The following NSUN2 variants were observed in gnomAD, a reference collection of about 807,000 sequenced individuals.
NSUN2 encodes the protein RNA cytosine C(5)-methyltransferase NSUN2.
In NSUN2, 63 loss-of-function variants were observed where a neutral mutation model predicts 92.7. That is an observed-to-expected ratio of 0.68 (90% CI 0.56 to 0.84). The LOEUF (loss-of-function observed/expected upper bound fraction) is 0.84, where lower values mean the gene tolerates loss of function less well. NSUN2 is among the 40% of genes least tolerant of loss of function. The pLI is 0.00. For synonymous variants in NSUN2, 356 were observed against 348.3 expected, an observed-to-expected ratio of 1.02 and a Z score of -0.25; for missense variants, 989 against 964.9, an observed-to-expected ratio of 1.02 and a Z score of -0.33.
At chr5:6,611,614 C>A in intron 10 of NSUN2, 111 bp downstream of exon 10, 1 of 781,134 alleles carries the variant, frequency 1.3e-6, no homozygotes. Flanking sequence ...ATTGGCATAA[C>A]CAGATGTAGT....
chr5:6,615,385 A>C (rs1486678223), intron 9 of NSUN2, among the ~76,000 whole-genome samples: 1 of 152,226 alleles, frequency 6.6e-6, no homozygotes, highest in African/African-American at 2.4e-5. Context: ...AGGATTCAAC[A>C]GTCCTAACAA....
intron 3 of NSUN2, among the ~76,000 whole-genome samples, chr5:6,630,776 G>A (rs991425283): frequency 6.6e-6 from 1 of 152,152 alleles, no homozygotes; most frequent in African/African-American, 2.4e-5. Context: ...TACTGGAATA[G>A]TCAAAACCTC....
intron 3 of NSUN2, among the ~76,000 whole-genome samples, chr5:6,627,950 A>G (rs188038302): frequency 6.6e-6 from 1 of 152,362 alleles, no homozygotes; most frequent in African/African-American, 2.4e-5. Flanking sequence ...AGGATAAGTT[A>G]AAAGGACCAC....
chr5:6,610,065 ATT>A (rs59901468), intron 11 of NSUN2, 143 bp from the exon 12 acceptor site: 5,406 of 368,998 alleles, frequency 0.015, no homozygotes, highest in South Asian at 0.03. Flanking sequence ...GTAAACTTAA[ATT>A]TTTTTTTTTT....
rs1247408466 is a variant in NSUN2 at position 6,603,638 on chromosome 5, C to T, written c.1957+500G>A. Among the ~76,000 whole-genome samples, 5 of 152,212 alleles carry T rather than the reference C, an allele frequency of 3.3e-5. No homozygotes were observed. In the East Asian group the frequency reaches 7.7e-4, roughly 24 times the overall value. On this transcript the variant is annotated intron_variant, in intron 17 of 18. Coordinates refer to ENST00000264670, the MANE Select transcript of NSUN2 (RefSeq NM_017755.6). ...CTGGGAGGCGGAGCTTGCAGTGAGC[C>T]GAGATCGTGCCACTGTACTCCAGCC... is the stretch of plus-strand genomic sequence containing the variant.
At chr5:6,621,944 T>C (rs1737464603) in intron 6 of NSUN2, 72 bp downstream of exon 6, 5 of 1,305,004 alleles carry the variant, frequency 3.8e-6, no homozygotes, top group Non-Finnish European at 5.5e-6. Context: ...CAGGCAAAGT[T>C]AGAGTCTTTT....
intron 1 of NSUN2, 31 bp from the exon 2 acceptor site, chr5:6,632,787 G>A (rs1386010126): frequency 2.5e-6 from 4 of 1,603,422 alleles, no homozygotes; most frequent in Non-Finnish European, 3.4e-6. Context: ...CTACCCCGAG[G>A]CCCAAGGAGC....
intron 11 of NSUN2, among the ~76,000 whole-genome samples, chr5:6,610,385 T>C (rs1210622329): frequency 1.3e-5 from 2 of 152,076 alleles, no homozygotes; most frequent in Admixed American, 1.3e-4. Context: ...GCCCACTTTG[T>C]AATCTTTAAA....
At chr5:6,611,932 G>A (rs766570554) in intron 9 of NSUN2, 134 bp from the exon 10 acceptor site, 47 of 763,480 alleles carry the variant, frequency 6.2e-5, no homozygotes, top group African/African-American at 2.1e-4. Context: ...AGGCAAACCC[G>A]TCGACAGAAA....
chr5:6,619,587 T>C lies in NSUN2; in HGVS notation c.815+519A>G, dbSNP rs144114048. Among the ~76,000 whole-genome samples, 88 of 152,384 alleles carry C rather than the reference T, an allele frequency of 5.8e-4. 1 individual carries two copies. In the East Asian group the frequency reaches 0.016, roughly 28 times the overall value. ...AAACTCTAAATATCTAAAATGTTGA[T>C]GTATTATCTCAAGAAAGGTATAAAA... On this transcript the variant is annotated intron_variant, in intron 7 of 18. Transcript: ENST00000264670.
At chr5:6,609,011 C>T (rs1325039688) in intron 12 of NSUN2, among the ~76,000 whole-genome samples, 1 of 152,320 alleles carries the variant, frequency 6.6e-6, no homozygotes, top group East Asian at 1.9e-4. Flanking sequence ...CCCCTTTGCC[C>T]GTCTGAGGCT....
intron 3 of NSUN2, among the ~76,000 whole-genome samples, chr5:6,629,734 G>C (rs1737797032): frequency 6.6e-6 from 1 of 152,128 alleles, no homozygotes; most frequent in African/African-American, 2.4e-5. Flanking sequence ...TCAAGGGCAG[G>C]ACGAGGTGGA....
chr5:6,607,529 A>G (rs1156638799), intron 12 of NSUN2, 145 bp from the exon 13 acceptor site: 2 of 713,406 alleles, frequency 2.8e-6, no homozygotes, highest in Non-Finnish European at 4.5e-6. Context: ...GAATTTTTTT[A>G]AAGTGTCATT....
rs182101904 is a variant in NSUN2 at position 6,614,053 on chromosome 5, G to A, written c.1022-2255C>T. ...GGAGGTTGCAGTGAGCCGAGATGGC[G>A]CCACTGCACTCCAGCCTGGGCAACA... On this transcript the variant is annotated intron_variant, in intron 9 of 18. Transcript: ENST00000264670. Among the ~76,000 whole-genome samples the A allele has an allele frequency of 6.9e-3, 993 of 143,158 alleles. 12 individuals are homozygous for A. The highest frequency in any genetic ancestry group is 0.025 in the African/African-American group (946 of 38,308). The allele number at this position is 143,158 out of a possible 152,430, so 93.9% of individuals were successfully genotyped here.
rs773831747 is a variant in NSUN2, at chr5:6,625,565, G to C, written c.464C>G (p.Ser155Cys). Residue 155 changes from serine to cysteine, a missense_variant and splice_region_variant, in exon 4 of 19, where the codon TCT becomes TGT. Ser to Cys is a moderately radical substitution (Grantham distance 112, BLOSUM62 -1). Around this residue, in one of 3 missense-constraint regions of NSUN2, gnomAD observed 356 missense variants for 338.6 expected, o/e 1.05. Transcript: ENST00000264670. ...FHQFLVSETE[S>C]GNISRQEAVS... ...GCAAGTCTAAAGAAATCAACTTACA[G>C]ATTCTGTTTCACTAACTAGAAACTG... 18 of 1,606,872 alleles carry C rather than the reference G, an allele frequency of 1.1e-5. No homozygotes were observed. Among genetic ancestry groups the C allele is most frequent in the Non-Finnish European group, 1.4e-5 (17 of 1,173,572 alleles).
intron 12 of NSUN2, among the ~76,000 whole-genome samples, chr5:6,608,966 C>A (rs1287871022): frequency 6.6e-6 from 1 of 152,228 alleles, no homozygotes; most frequent in African/African-American, 2.4e-5. Flanking sequence ...TCTAACCTGA[C>A]AGAAAAACCC....
chr5:6,623,523 G>C (rs1737543648), intron 4 of NSUN2, among the ~76,000 whole-genome samples: 1 of 152,136 alleles, frequency 6.6e-6, no homozygotes, highest in African/African-American at 2.4e-5. Flanking sequence ...TTCCATGAAA[G>C]AAAAGGGACT....
chr5:6,604,561 A>T (rs766177903), intron 16 of NSUN2, 44 bp downstream of exon 16: 1 of 1,545,522 alleles, frequency 6.5e-7, no homozygotes, highest in Non-Finnish European at 8.9e-7. Flanking sequence ...CGACTGCTTC[A>T]GTCATCTGTG....
chr5:6,601,890 G>A (rs1252978081), intron 18 of NSUN2, among the ~76,000 whole-genome samples: 1 of 152,204 alleles, frequency 6.6e-6, no homozygotes, highest in African/African-American at 2.4e-5. Flanking sequence ...CTCTGGGCAA[G>A]CCACCTAACT....
Sources: allele counts gnomAD v4.1 joint callset (sites outside exome capture counted in the v4.1 genomes callset), GRCh38; gene constraint gnomAD v4.1.1; regional missense constraint gnomAD v4.1.1; transcripts MANE v1.5; gene names NCBI Gene and HGNC (gene_info 2026-07-23, HGNC 2026-07-21).